Variants in BTBD18 observed in about 807,000 individuals in gnomAD.
BTBD18 encodes BTB domain containing 18.
For synonymous variants in BTBD18, 311 were observed against 324.4 expected (o/e 0.96, Z 0.44); for missense variants, 787 against 846.3 (o/e 0.93, Z 0.87).
Position 57,746,059 on chromosome 11 carries a change from C to T in BTBD18, c.214G>A (p.Gly72Arg). ...RLERERPAQG[G>R]KVVLELGGLK... ...CCACCCAGCTCTAGCACCACCTTCC[C>T]ACCCTGAGCTGGCCTCTCCCGCTCC... The change falls in exon 3 of 3, where the codon GGG becomes AGG. Residue 72 changes from glycine (G) to arginine (R), a missense_variant. By Grantham distance (125) the Gly-to-Arg change is moderately radical (BLOSUM62 -2). Transcript: ENST00000422652. 1 of 1,551,696 alleles carries T rather than the reference C, an allele frequency of 6.4e-7. No homozygotes were observed. The highest frequency in any genetic ancestry group is 8.7e-7 in the Non-Finnish European group (1 of 1,146,982).
At position 57,744,585 on chromosome 11, in the gene BTBD18, C is replaced by T; in HGVS notation, c.1688G>A (p.Gly563Asp). The change falls in exon 3 of 3, where the codon GGT becomes GAT. Residue 563 changes from glycine (G) to aspartate (D), a missense_variant. Physicochemically the swap from Gly to Asp is moderately conservative, Grantham distance 94 (BLOSUM62 -1). Transcript: ENST00000422652. ...ELTELEKEPA[G>D]ENRGPTELLS... ...GAGCTCAGTTGGCCCTCTGTTCTCA[C>T]CAGCAGGTTCCTTTTCCAATTCTGT... 1 of 1,551,706 alleles carries T rather than the reference C, an allele frequency of 6.4e-7. No homozygotes were observed. Among genetic ancestry groups the T allele is most frequent in the Non-Finnish European group, 8.7e-7 (1 of 1,146,994 alleles).
At position 57,744,338 on chromosome 11, in the gene BTBD18, A is replaced by C. The variant is rs1263663478; in HGVS notation, c.1935T>G (p.Asp645Glu). ...ETGLEVSLTT[D>E]ELLYPSPKAG... is the part of the protein sequence containing the mutation. ...CCTTGGGAGAAGGGTATAATAACTCATCTGTAGTCAAGGAGACTTCCAGCC... is the reference window on the plus strand; with the variant it reads ...CCTTGGGAGAAGGGTATAATAACTCCTCTGTAGTCAAGGAGACTTCCAGCC... The change falls in exon 3 of 3, where the codon GAT (aspartate) becomes GAG (glutamate). Residue 645 changes from aspartate (D) to glutamate (E), a missense_variant. Coordinates refer to ENST00000422652, the MANE Select transcript of BTBD18 (RefSeq NM_001145101.3). 5 of 1,551,572 alleles carry C rather than the reference A, an allele frequency of 3.2e-6. No individual in the cohort carries two copies. In the South Asian group the frequency reaches 5.9e-5, roughly 18 times the overall value.
chr11:57,745,403 A>G lies in BTBD18; in HGVS notation c.870T>C (p.Pro290=). The G allele has an allele frequency of 1.3e-6, 2 of 1,551,692 alleles. No individual in the cohort carries two copies. Among genetic ancestry groups the G allele is most frequent in the Non-Finnish European group, 1.7e-6 (2 of 1,146,996 alleles). ...GCCAAAGACGCCGGCCAGGGGTTGC[A>G]GGCACTGAGCTAGATCCACTTAAAA... ...SSILSGSSSV[P]ATPGRRLWRQ... The change falls in exon 3 of 3, where the codon CCT becomes CCC. Residue 290 remains proline (P), a synonymous_variant. Coordinates refer to ENST00000422652, the MANE Select transcript of BTBD18 (RefSeq NM_001145101.3).
chr11:57,746,192 T>A, intron 2 of BTBD18, 44 bp from the exon 3 acceptor site: 1 of 1,444,672 alleles, frequency 6.9e-7, no homozygotes, highest in Non-Finnish European at 9.3e-7. Context: ...TAGACTGGCA[T>A]GTTCATGGGC....
intron 2 of BTBD18, among the ~76,000 whole-genome samples, 176 bp downstream of exon 2, chr11:57,750,889 A>G (rs912013173): frequency 3.9e-5 from 6 of 152,222 alleles, no homozygotes; most frequent in Admixed American, 2.6e-4. Context: ...CAAAGTCACA[A>G]TTTCACTCTT....
chr11:57,745,878 T>C lies in BTBD18; in HGVS notation c.395A>G (p.Lys132Arg), dbSNP rs761483157. 9.1e-5 allele frequency: 141 copies of C among 1,551,544 alleles called. No homozygotes were observed. The highest frequency in any genetic ancestry group is 1.2e-4 in the Non-Finnish European group (138 of 1,146,994). ...GTTCAGCCTTCGGCCCTGTGGGGCCTTCACCAACTTTCCACCCTCAAGCTG... is the reference window on the plus strand; with the variant it reads ...GTTCAGCCTTCGGCCCTGTGGGGCCCTCACCAACTTTCCACCCTCAAGCTG... ...SLQLEGGKLV[K>R]APQGRRLNRE... Residue 132 changes from lysine to arginine, a missense_variant, in exon 3 of 3, where the codon AAG becomes AGG. Transcript: ENST00000422652.
At position 57,745,940 on chromosome 11, in the gene BTBD18, A is replaced by G; in HGVS notation, c.333T>C (p.Ala111=). ...GCTCAGACACACGGAGCTGACGGGC[A>G]GCAGATAGCACATCCTGGGCTTCTT... The part of the protein sequence containing the change: ...SQEEAQDVLS[A]ARQLRVSELE... Residue 111 remains alanine, a synonymous_variant, in exon 3 of 3, where the codon GCT becomes GCC. Transcript: ENST00000422652. 6.4e-7 allele frequency: 1 copy of G among 1,551,706 alleles called. No homozygotes were observed. The highest frequency in any genetic ancestry group is 8.7e-7 in the Non-Finnish European group (1 of 1,146,998).
Position 57,744,051 on chromosome 11 carries a change from G to A in BTBD18, c.*83C>T, listed in dbSNP as rs899284490. 4 of 1,047,934 alleles carry A rather than the reference G, an allele frequency of 3.8e-6. No individual in the cohort carries two copies. Among genetic ancestry groups the A allele is most frequent in the Non-Finnish European group, 2.8e-6 (2 of 722,998 alleles). The allele number at this position is 1,047,934 out of a possible 1,614,324, so 64.9% of individuals were successfully genotyped here. A position where few individuals can be genotyped will look rare whatever the true frequency, so the allele number is the denominator to read the frequency against. ...CACCTGCCTCTTGTGCTGAGGGCAC[G>A]TGCCAGCTTCTCTGCCAGTAAGCCT... On this transcript the variant is annotated 3_prime_UTR_variant, in exon 3 of 3. Coordinates refer to ENST00000422652, the MANE Select transcript of BTBD18 (RefSeq NM_001145101.3).
At position 57,744,844 on chromosome 11, in the gene BTBD18, G is replaced by A; in HGVS notation, c.1429C>T (p.Pro477Ser). The A allele has an allele frequency of 6.4e-7, 1 of 1,551,728 alleles. No homozygotes were observed. Among genetic ancestry groups the A allele is most frequent in the Non-Finnish European group, 8.7e-7 (1 of 1,146,994 alleles). Residue 477 changes from proline to serine, a missense_variant, in exon 3 of 3, where the codon CCC becomes TCC. By Grantham distance (74) the Pro-to-Ser change is moderately conservative. Transcript: ENST00000422652. ...ATTCGGTACTCCTCAGCCTCACAGG[G>A]CTGCTCCAGCAGAGCTGTGTCAAAT... ...YAFDTALLEQ[P>S]CEAEEYRITS...
chr11:57,746,822 A>AAG (rs1183523504), intron 2 of BTBD18, among the ~76,000 whole-genome samples: 1 of 151,416 alleles, frequency 6.6e-6, no homozygotes, highest in East Asian at 1.9e-4. Flanking sequence ...AAAAAAAAAA[A>AAG]AAGCCTTCCT....
At chr11:57,752,028 T>G (rs1203941349), upstream of BTBD18, among the ~76,000 whole-genome samples, 1 of 152,150 alleles carries the variant, frequency 6.6e-6, no homozygotes, top group East Asian at 1.9e-4. Flanking sequence ...AGGCTAACAA[T>G]GCAGCAAGGA....
intron 2 of BTBD18, among the ~76,000 whole-genome samples, chr11:57,750,173 C>T (rs1281461981): frequency 2.0e-5 from 3 of 151,588 alleles, no homozygotes; most frequent in Non-Finnish European, 2.9e-5. Flanking sequence ...GTCAGGAGTT[C>T]GAGACCAGTC....
rs1332022146 is a variant in BTBD18 at position 57,744,810 on chromosome 11, G to A, written c.1463C>T (p.Ala488Val). The A allele has an allele frequency of 1.3e-6, 2 of 1,551,736 alleles. No individual in the cohort carries two copies. The change falls in exon 3 of 3, where the codon GCT becomes GTT. Residue 488 changes from alanine to valine, a missense_variant. Ala to Val is a moderately conservative substitution (Grantham distance 64). Transcript: ENST00000422652. ...CEAEEYRITSAAATSELEEIL... is the reference protein window; with the variant it reads ...CEAEEYRITSVAATSELEEIL... ...CTCCTCCAGCTCACTGGTGGCAGCA[G>A]CACTTGTGATTCGGTACTCCTCAGC...
intron 2 of BTBD18, among the ~76,000 whole-genome samples, chr11:57,750,107 G>A (rs1169893540): frequency 6.6e-6 from 1 of 152,228 alleles, no homozygotes; most frequent in African/African-American, 2.4e-5. Context: ...GCCGGGCAAC[G>A]TGGCTCACGC....
intron 2 of BTBD18, 144 bp from the exon 3 acceptor site, chr11:57,746,292 G>T: frequency 4.6e-6 from 3 of 653,196 alleles, no homozygotes; most frequent in East Asian, 3.0e-5. Context: ...TTATTCTTCT[G>T]CCTGCCTGGA....
chr11:57,752,094 T>C (rs926465028), upstream of BTBD18, among the ~76,000 whole-genome samples: 9 of 152,246 alleles, frequency 5.9e-5, no homozygotes, highest in African/African-American at 1.9e-4. Context: ...TTCAGGCTTA[T>C]GTCCAGCTTT....
intron 2 of BTBD18, among the ~76,000 whole-genome samples, chr11:57,750,572 T>C (rs1949286696): frequency 6.6e-6 from 1 of 152,134 alleles, no homozygotes; most frequent in Non-Finnish European, 1.5e-5. Context: ...GGCGCATGCC[T>C]GTAATCTCAG....
chr11:57,745,657 G>A lies in BTBD18; in HGVS notation c.616C>T (p.Leu206=), dbSNP rs377723091. The A allele has an allele frequency of 1.9e-5, 29 of 1,551,578 alleles. No individual in the cohort carries two copies. In the East Asian group the frequency reaches 3.9e-4, roughly 21 times the overall value. The change falls in exon 3 of 3, where the codon CTG becomes TTG. Residue 206 remains leucine (L), a synonymous_variant. Coordinates refer to ENST00000422652, the MANE Select transcript of BTBD18 (RefSeq NM_001145101.3). ...QNADNLSGTL[L]LKRKARACPT... ...CAGGCTCTGGCCTTCCTCTTGAGCA[G>A]AAGAGTGCCAGACAAATTGTCTGCA...
chr11:57,749,624 C>A (rs1453440644), intron 2 of BTBD18, among the ~76,000 whole-genome samples: 1 of 151,834 alleles, frequency 6.6e-6, no homozygotes, highest in Non-Finnish European at 1.5e-5. Context: ...GTGGCATATC[C>A]CTGTAATCCC....
Sources: allele counts gnomAD v4.1 joint callset (sites outside exome capture counted in the v4.1 genomes callset), GRCh38; gene constraint gnomAD v4.1.1; transcripts MANE v1.5; gene names NCBI Gene and HGNC (gene_info 2026-07-23, HGNC 2026-07-21).